Variants in STIM1 observed in about 807,000 individuals in gnomAD.
STIM1 encodes stromal interaction molecule 1.
Under a neutral mutation model 74.7 loss-of-function variants are expected in STIM1, and 25 were observed. That is an observed-to-expected ratio of 0.33 (90% confidence interval 0.24 to 0.47). STIM1 has a LOEUF of 0.47. STIM1 is among the 20% of genes least tolerant of loss of function. The pLI, the probability that STIM1 is intolerant of heterozygous loss-of-function variation, is 1.00. For synonymous variants in STIM1, 328 were observed against 348.8 expected (o/e 0.94, Z 0.66); for missense variants, 728 against 920.8 (o/e 0.79, Z 2.71).
At chr11:4,050,165 C>G (rs1266116433) in intron 3 of STIM1, among the ~76,000 whole-genome samples, 2 of 152,190 alleles carry the variant, frequency 1.3e-5, no homozygotes, top group Admixed American at 6.5e-5. Context: ...ATGTACTCAT[C>G]CCTGAACTAA....
At chr11:4,058,253 G>GA (rs1251989079) in intron 4 of STIM1, among the ~76,000 whole-genome samples, 11 of 152,174 alleles carry the variant, frequency 7.2e-5, no homozygotes, top group Admixed American at 1.3e-4. Flanking sequence ...TCAGACAAAT[G>GA]AGTCACTAGT....
chr11:4,010,922 T>A (rs1565147431), intron 2 of STIM1, among the ~76,000 whole-genome samples: 1 of 152,158 alleles, frequency 6.6e-6, no homozygotes, highest in Non-Finnish European at 1.5e-5. Flanking sequence ...CCTCTGTCTG[T>A]ATGTTCTCAT....
chr11:3,994,463 CTT>C (rs56255114), intron 2 of STIM1, among the ~76,000 whole-genome samples: 3 of 134,348 alleles, frequency 2.2e-5, no homozygotes, highest in Admixed American at 7.6e-5. Context: ...CTTTTTCTTT[CTT>C]TTTTTTTTTT....
At chr11:3,994,337 A>T (rs767961188) in intron 2 of STIM1, among the ~76,000 whole-genome samples, 2 of 151,466 alleles carry the variant, frequency 1.3e-5, no homozygotes, top group African/African-American at 2.4e-5. Flanking sequence ...CTATTTGTGG[A>T]TCTCTTTGCA....
chr11:3,925,397 A>G (rs2092775556), intron 1 of STIM1, among the ~76,000 whole-genome samples: 1 of 152,240 alleles, frequency 6.6e-6, no homozygotes, highest in African/African-American at 2.4e-5. Flanking sequence ...CCATCTCAAA[A>G]CAAACAAACA....
At chr11:4,036,216 A>G (rs2094101172) in intron 3 of STIM1, among the ~76,000 whole-genome samples, 1 of 152,058 alleles carries the variant, frequency 6.6e-6, no homozygotes, top group South Asian at 2.1e-4. Flanking sequence ...ATAGTATTCC[A>G]TGGTATATAT....
chr11:4,073,597 G>A (rs2094419226), intron 6 of STIM1, among the ~76,000 whole-genome samples: 1 of 152,134 alleles, frequency 6.6e-6, no homozygotes, highest in African/African-American at 2.4e-5. Context: ...GAAAGAACTC[G>A]GTGAATGAAT....
chr11:4,023,968 G>A lies in STIM1; in HGVS notation c.366G>A (p.Lys122=). 6.2e-7 allele frequency: 1 copy of A among 1,614,050 alleles called. No individual in the cohort carries two copies. The highest frequency in any genetic ancestry group is 8.5e-7 in the Non-Finnish European group (1 of 1,179,940). Residue 122 remains lysine, a synonymous_variant, in exon 3 of 13, where the codon AAG becomes AAA. Transcript: ENST00000526596. Reference sequence around the variant, plus strand: ...TCATCAGCGTGGAGGACCTGTGGAAGGCATGGAAGTCATCAGAAGGTAATA... The same window carrying A: ...TCATCAGCGTGGAGGACCTGTGGAAAGCATGGAAGTCATCAGAAGGTAATA... ...DKLISVEDLW[K]AWKSSEVYNW...
In STIM1 at chr11:4,083,489, T is replaced by A; in HGVS notation, c.1465T>A (p.Ser489Thr). ...DMDEEIVSPL[S>T]MQYAAWLMGR... ...GGATGAGGAGATTGTGTCTCCCTTG[T>A]CCATGCAGTGTAGGTGACCTCTTTG... Residue 489 changes from serine to threonine, a missense_variant, in exon 10 of 13, where the codon TCC becomes ACC. By Grantham distance (58) the Ser-to-Thr change is moderately conservative. Around this residue, in one of 5 missense-constraint regions of STIM1, gnomAD observed 352 missense variants for 370.1 expected, o/e 0.95. Transcript: ENST00000526596. 6.2e-7 allele frequency: 1 copy of A among 1,613,684 alleles called. No homozygotes were observed. The highest frequency in any genetic ancestry group is 8.5e-7 in the Non-Finnish European group (1 of 1,179,726).
intron 12 of STIM1, chr11:4,088,785 G>A (rs1281273120): frequency 4.6e-6 from 7 of 1,523,552 alleles, no homozygotes; most frequent in Non-Finnish European, 6.2e-6. Context: ...CCTTTGGGGA[G>A]GGACCTCTGG....
At chr11:3,929,729 G>A (rs1196275661) in intron 1 of STIM1, among the ~76,000 whole-genome samples, 2 of 152,130 alleles carry the variant, frequency 1.3e-5, no homozygotes, top group Non-Finnish European at 2.9e-5. Context: ...ACCGCTGATC[G>A]CTTTGCTTTA....
chr11:3,993,671 G>C lies in STIM1; in HGVS notation c.270+25989G>C, dbSNP rs181153936. On this transcript the variant is annotated intron_variant, in intron 2 of 12. Coordinates refer to ENST00000526596, the MANE Select transcript of STIM1 (RefSeq NM_001382567.1). ...ACTCTGTCTCAAAAAAACAAAAAAC[G>C]AAACAAAAACCCCAAAAATATTCTT... is the stretch of plus-strand genomic sequence containing the variant. 6.6e-5 allele frequency among the ~76,000 whole-genome samples: 10 copies of C among 152,006 alleles called. No homozygotes were observed. In the East Asian group the frequency reaches 1.9e-3, roughly 29 times the overall value.
At chr11:4,087,876 CA>C (rs1565172785) in intron 12 of STIM1, among the ~76,000 whole-genome samples, 1 of 150,274 alleles carries the variant, frequency 6.7e-6, no homozygotes, top group Non-Finnish European at 1.5e-5. Context: ...ATTCGGGAAC[CA>C]AGATAGCGGA....
intron 1 of STIM1, among the ~76,000 whole-genome samples, chr11:3,861,871 C>G (rs1179420225): frequency 1.3e-5 from 2 of 152,040 alleles, no homozygotes; most frequent in Admixed American, 6.6e-5. Context: ...GAGTAGTTTC[C>G]TAGGTCTCTA....
intron 7 of STIM1, among the ~76,000 whole-genome samples, chr11:4,079,469 G>A (rs2133208377): frequency 6.6e-6 from 1 of 151,794 alleles, no homozygotes; most frequent in East Asian, 1.9e-4. Flanking sequence ...AGCTATTCGG[G>A]AGGCTCAGGC....
In STIM1 at chr11:3,991,676, C is replaced by T. The variant is rs186649037; in HGVS notation, c.270+23994C>T. Among the ~76,000 whole-genome samples, 176 of 151,820 alleles carry T rather than the reference C, an allele frequency of 1.2e-3. 1 individual carries two copies. Among genetic ancestry groups the T allele is most frequent in the African/African-American group, 4.1e-3 (168 of 41,418 alleles). The stretch of plus-strand genomic sequence containing the variant: ...ATCTCCAAACTGCTGTGGCCGGGCG[C>T]GGTGGCTCACGCCTGTAATACCAGC... On this transcript the variant is annotated intron_variant, in intron 2 of 12. Coordinates refer to ENST00000526596, the MANE Select transcript of STIM1 (RefSeq NM_001382567.1).
chr11:3,995,502 C>T (rs1251495151), intron 2 of STIM1, among the ~76,000 whole-genome samples: 2 of 152,180 alleles, frequency 1.3e-5, no homozygotes, highest in Non-Finnish European at 2.9e-5. Context: ...CCACACCCAG[C>T]TTTTTAGGTT....
chr11:3,941,667 TATATATAGAGAG>T (rs1207159613), intron 1 of STIM1, among the ~76,000 whole-genome samples: 1 of 56,090 alleles, frequency 1.8e-5, no homozygotes. Context: ...TATATATATA[TATATATAGAGAG>T]AGAGAGAGAG....
At position 4,055,124 on chromosome 11, in the gene STIM1, A is replaced by C. The variant is rs540350859; in HGVS notation, c.386-402A>C. Among the ~76,000 whole-genome samples the C allele has an allele frequency of 7.4e-4, 113 of 152,288 alleles. 1 individual carries two copies. The highest frequency in any genetic ancestry group is 2.7e-3 in the African/African-American group (111 of 41,566). ...CAGTTTAAAAATATTCCAAAATCAA[A>C]TTTATTGAGTTATAATTTACATAAA... On this transcript the variant is annotated intron_variant, in intron 3 of 12. Coordinates refer to ENST00000526596, the MANE Select transcript of STIM1 (RefSeq NM_001382567.1).
Sources: allele counts gnomAD v4.1 joint callset (sites outside exome capture counted in the v4.1 genomes callset), GRCh38; gene constraint gnomAD v4.1.1; regional missense constraint gnomAD v4.1.1; transcripts MANE v1.5; gene names NCBI Gene and HGNC (gene_info 2026-07-23, HGNC 2026-07-21).